CIITA: variants seen among roughly 807,000 people sequenced by gnomAD.
CIITA encodes the protein MHC class II transactivator.
CIITA carries 72 observed loss-of-function variants against 115.1 expected under a neutral mutation model. The ratio of observed to expected loss-of-function variants is 0.63; its 90% CI spans 0.52 to 0.76. The LOEUF is 0.76. CIITA is among the 30% of genes least tolerant of loss of function. The pLI is 0.00. For synonymous variants in CIITA, 763 were observed against 635.6 expected (o/e 1.20, Z -3.02); for missense variants, 1,617 against 1,463.8 (o/e 1.10, Z -1.71).
rs72770017 is a variant in CIITA, at chr16:10,879,755, G to A, written c.52+2373G>A. On this transcript the variant is annotated intron_variant, in intron 1 of 19. Coordinates refer to ENST00000324288, the MANE Select transcript of CIITA (RefSeq NM_000246.4). This position sits in a 1 kb window ranked among gnomAD's most constrained non-coding sequence, Gnocchi z 4.3. Reference sequence around the variant, plus strand: ...GGCTAAAGCGCCCCGGAAAGCCAGCGTGCGAATGCCGGGGTGGGAGTGGGA... The same window carrying A: ...GGCTAAAGCGCCCCGGAAAGCCAGCATGCGAATGCCGGGGTGGGAGTGGGA... Among the ~76,000 whole-genome samples, 80,338 of 151,754 alleles carry A rather than the reference G, an allele frequency of 0.53. 26,201 individuals are homozygous for A. Among genetic ancestry groups the A allele is most frequent in the Non-Finnish European group, 0.74 (49,860 of 67,794 alleles).
chr16:10,895,808 A>T, intron 3 of CIITA, 44 bp downstream of exon 3: 1 of 1,585,222 alleles, frequency 6.3e-7, no homozygotes, highest in South Asian at 1.1e-5. Flanking sequence ...CAAGGGCAAG[A>T]GTTCTTTGCT....
chr16:10,889,764 C>G (rs940994903), intron 1 of CIITA, among the ~76,000 whole-genome samples: 6 of 152,200 alleles, frequency 3.9e-5, no homozygotes, highest in Admixed American at 1.3e-4. Flanking sequence ...AGTGATCTGC[C>G]TGCCTCGGCC....
chr16:10,877,066 G>T (rs1025177397), upstream of CIITA: 1 of 593,112 alleles, frequency 1.7e-6, no homozygotes, highest in Non-Finnish European at 3.0e-6. Flanking sequence ...AAGGGAGTGT[G>T]GTAAAATTAG....
At chr16:10,908,381 G>A (rs1444211163) in intron 11 of CIITA, 19 of 665,188 alleles carry the variant, frequency 2.9e-5, no homozygotes, top group South Asian at 6.4e-5. Context: ...TTGAAGGCCC[G>A]CCATGTGCCA....
intron 1 of CIITA, among the ~76,000 whole-genome samples, chr16:10,886,278 T>C (rs949884668): frequency 6.6e-6 from 1 of 152,096 alleles, no homozygotes; most frequent in Non-Finnish European, 1.5e-5. Flanking sequence ...GTTTTTAGGA[T>C]CTACTTGCCT....
chr16:10,940,169 C>G (rs140140335), downstream of CIITA: 13 of 152,402 alleles, frequency 8.5e-5, no homozygotes, highest in East Asian at 2.5e-3. The surrounding 1 kb of genome is among the most constrained non-coding windows in gnomAD (Gnocchi z 4.2). Flanking sequence ...CCATCTGCAA[C>G]AGACTCAATG....
At chr16:10,922,130 G>A (rs367893688) in intron 16 of CIITA, 37 bp from the exon 17 acceptor site, 111 of 1,583,040 alleles carry the variant, frequency 7.0e-5, no homozygotes, top group Non-Finnish European at 9.1e-5. Context: ...CCATGCACAG[G>A]CCTCCAATCC....
chr16:10,882,561 T>G (rs111416068), intron 1 of CIITA, among the ~76,000 whole-genome samples: 1 of 151,772 alleles, frequency 6.6e-6, no homozygotes, highest in Non-Finnish European at 1.5e-5. Flanking sequence ...AGACCTTTTT[T>G]TAGGAAAAAA....
chr16:10,941,735 C>CA lies in CIITA; in HGVS notation n.864dup. On this transcript the variant is annotated non_coding_transcript_exon_variant, in exon 2 of 2. Transcript: ENST00000573379. This position sits in a 1 kb window ranked among gnomAD's most constrained non-coding sequence, Gnocchi z 6.4. ...TCGAGACCCTACTCCAAGTACGCAT[C>CA]AAAGACGTCGAGCTCCGAGTCAGCA... The CA allele has an allele frequency of 6.2e-7, 1 of 1,610,826 alleles. No homozygotes were observed. The highest frequency in any genetic ancestry group is 8.5e-7 in the Non-Finnish European group (1 of 1,178,338).
chr16:10,908,276 C>G (rs4781018), intron 11 of CIITA, 127 bp downstream of exon 11: 783,222 of 1,121,926 alleles, frequency 0.7, 276,850 homozygotes, highest in East Asian at 0.79. Context: ...AGAATGGATT[C>G]TCTCCATTTT....
At chr16:10,893,792 G>C (rs750434391) in intron 1 of CIITA, among the ~76,000 whole-genome samples, 15 of 101,946 alleles carry the variant, frequency 1.5e-4, no homozygotes, top group Non-Finnish European at 2.1e-4. Flanking sequence ...CTGGGTGACA[G>C]AGACTCCGTC....
At chr16:10,890,913 G>A (rs969954115) in intron 1 of CIITA, among the ~76,000 whole-genome samples, 1 of 152,116 alleles carries the variant, frequency 6.6e-6, no homozygotes, top group African/African-American at 2.4e-5. Flanking sequence ...GGAAACTGAG[G>A]CTCCAAGTGG....
chr16:10,916,699 T>G (rs1170899121), intron 15 of CIITA: 4 of 548,422 alleles, frequency 7.3e-6, no homozygotes, highest in Non-Finnish European at 9.9e-6. Context: ...CCCCAGTGGA[T>G]TCATCCATTC....
In CIITA at chr16:10,880,941, G is replaced by A. The variant is rs540028356; in HGVS notation, c.52+3559G>A. ...AACCACCAAAGAATATTCATGCATT[G>A]GGAATAATTATTATAGATCCTAAAG... On this transcript the variant is annotated intron_variant, in intron 1 of 19. Coordinates refer to ENST00000324288, the MANE Select transcript of CIITA (RefSeq NM_000246.4). Among the ~76,000 whole-genome samples the A allele has an allele frequency of 2.2e-4, 34 of 152,268 alleles. No individual in the cohort carries two copies. In the South Asian group the frequency reaches 6.6e-3, roughly 30 times the overall value.
chr16:10,920,397 G>A lies in CIITA; in HGVS notation c.3150-1770G>A, dbSNP rs961089841. On this transcript the variant is annotated intron_variant, in intron 16 of 19. Coordinates refer to ENST00000324288, the MANE Select transcript of CIITA (RefSeq NM_000246.4). This position sits in a 1 kb window ranked among gnomAD's most constrained non-coding sequence, Gnocchi z 4.5. ...CAAGTAGCTGGGATTACAGATGCCC[G>A]CCACCACACCAGGCTATTTTTGTGT... Among the ~76,000 whole-genome samples, 5 of 152,118 alleles carry A rather than the reference G, an allele frequency of 3.3e-5. No individual in the cohort carries two copies. The highest frequency in any genetic ancestry group is 9.7e-5 in the African/African-American group (4 of 41,424).
chr16:10,927,481 C>G lies in CIITA; in HGVS notation c.*3626C>G, dbSNP rs2040578824. ...GTTTCATTCATTCTGCAAATACATACTGACAGCACAGTCATGAATAAGATG... is the reference window on the plus strand; with the variant it reads ...GTTTCATTCATTCTGCAAATACATAGTGACAGCACAGTCATGAATAAGATG... On this transcript the variant is annotated 3_prime_UTR_variant, in exon 20 of 20. Transcript: ENST00000324288. 1 of 152,218 alleles carries G rather than the reference C, an allele frequency of 6.6e-6. No homozygotes were observed. The highest frequency in any genetic ancestry group is 6.5e-5 in the Admixed American group (1 of 15,276). The allele number at this position is 152,218 out of a possible 1,614,324, so 9.4% of individuals were successfully genotyped here.
Position 10,923,334 on chromosome 16 carries a change from G to T in CIITA, c.*22+9G>T. On this transcript the variant is annotated intron_variant, in intron 19 of 19. Transcript: ENST00000324288. This position sits in a 1 kb window ranked among gnomAD's most constrained non-coding sequence, Gnocchi z 5.2. ...GCTGTGCTCTGGACAGGGTAACCAG[G>T]GTGGGCTTGGGAGGGGAGAGCCGCA... is the stretch of plus-strand genomic sequence containing the variant. 6.4e-7 allele frequency: 1 copy of T among 1,560,472 alleles called. No homozygotes were observed. Among genetic ancestry groups the T allele is most frequent in the South Asian group, 1.1e-5 (1 of 89,986 alleles).
intron 1 of CIITA, among the ~76,000 whole-genome samples, chr16:10,886,350 G>A (rs1255582153): frequency 6.6e-6 from 1 of 152,066 alleles, no homozygotes; most frequent in African/African-American, 2.4e-5. Context: ...GGAGTGCAGG[G>A]GTTACTTTTC....
intron 2 of CIITA, 63 bp downstream of exon 2, chr16:10,895,491 G>T (rs1311625233): frequency 3.7e-6 from 6 of 1,604,576 alleles, no homozygotes; most frequent in Non-Finnish European, 5.1e-6. Context: ...TGTAGAGACG[G>T]CAATCAGGGG....
Sources: gnomAD v4.1 joint callset for allele counts (sites outside exome capture counted in the v4.1 genomes callset) on GRCh38, gnomAD v4.1.1 for gene constraint, Gnocchi (gnomAD v3.1) non-coding constraint, MANE v1.5 for transcripts, NCBI Gene and HGNC (gene_info 2026-07-23, HGNC 2026-07-21) for gene names.